The following MYO16 variants were observed in gnomAD, a reference collection of about 807,000 sequenced individuals.
MYO16 encodes the protein myosin XVI, also known as unconventional myosin-XVI.
A neutral mutation model predicts 205.3 loss-of-function variants in MYO16; 94 were observed. That is an observed-to-expected ratio of 0.46 (90% CI 0.39 to 0.54). The LOEUF is 0.54. Among genes scored for constraint, MYO16 ranks in the 20% least tolerant of loss-of-function variants. The pLI is 0.00. For missense variants in MYO16, 2,315 were observed against 2,387.5 expected, an observed-to-expected ratio of 0.97 and a Z score of 0.63; for synonymous variants, 988 against 954.0, an observed-to-expected ratio of 1.04 and a Z score of -0.66.
the MYO16 span, among the ~76,000 whole-genome samples, chr13:108,572,281 C>T: frequency 6.8e-3 from 1,029 of 152,218 alleles, 14 homozygotes; most frequent in South Asian, 0.043. Context: ...GCTTTACAAA[C>T]ACTGAAGTTT....
intron 23 of MYO16, among the ~76,000 whole-genome samples, chr13:109,026,869 T>C (rs1470744842): frequency 1.3e-5 from 2 of 152,200 alleles, no homozygotes; most frequent in Non-Finnish European, 2.9e-5. Context: ...ACAAAGTACT[T>C]CTGTGACATT....
chr13:108,777,049 C>T (rs572606069), intron 4 of MYO16, among the ~76,000 whole-genome samples: 43 of 152,206 alleles, frequency 2.8e-4, no homozygotes, highest in South Asian at 2.3e-3. Flanking sequence ...TGCAAAGTGC[C>T]ATGAGTCTCC....
At chr13:109,201,497 A>AAAAG (rs759848044) in intron 34 of MYO16, 4 of 128,216 alleles carry the variant, frequency 3.1e-5, no homozygotes, top group African/African-American at 1.1e-4. Context: ...TCTACAAAAA[A>AAAAG]AAAAAAAAAA....
intron 6 of MYO16, among the ~76,000 whole-genome samples, chr13:108,794,659 C>T (rs1371498691): frequency 6.6e-6 from 1 of 152,070 alleles, no homozygotes; most frequent in Admixed American, 6.6e-5. Context: ...TATTTGATGT[C>T]TAATCACCGA....
chr13:108,844,204 T>C (rs1877392474), intron 9 of MYO16, 139 bp from the exon 10 acceptor site: 1 of 572,802 alleles, frequency 1.7e-6, no homozygotes, highest in Non-Finnish European at 2.7e-6. Context: ...TTCTTACTAA[T>C]TTTTTTCCTG....
Position 109,141,886 on chromosome 13 carries a change from T to C in MYO16, c.5164+510T>C, listed in dbSNP as rs1877118487. Reference sequence around the variant, plus strand: ...TACCCTGCGCTTAATGCCACTCGGCTGTGGGCTGTTTGGGATGAACTGCTT... The same window carrying C: ...TACCCTGCGCTTAATGCCACTCGGCCGTGGGCTGTTTGGGATGAACTGCTT... On this transcript the variant is annotated intron_variant, in intron 32 of 34. Coordinates refer to ENST00000457511, the MANE Select transcript of MYO16 (RefSeq NM_001198950.3). The surrounding 1 kb of genome is among the most constrained non-coding windows in gnomAD (Gnocchi z 4.1). Among the ~76,000 whole-genome samples the C allele has an allele frequency of 6.6e-6, 1 of 152,164 alleles. No homozygotes were observed. Among genetic ancestry groups the C allele is most frequent in the Non-Finnish European group, 1.5e-5 (1 of 68,032 alleles).
intron 28 of MYO16, among the ~76,000 whole-genome samples, chr13:109,107,124 T>C (rs1465081032): frequency 6.6e-6 from 1 of 152,098 alleles, no homozygotes; most frequent in Non-Finnish European, 1.5e-5. Flanking sequence ...CATGCGTGTA[T>C]GTAAAAGAGA....
At chr13:109,187,087 GTTTTA>G (rs1879719265) in intron 34 of MYO16, among the ~76,000 whole-genome samples, 2 of 152,048 alleles carry the variant, frequency 1.3e-5, no homozygotes, top group Admixed American at 6.6e-5. Context: ...TCTTATTGTG[GTTTTA>G]TTTTATTTCC....
chr13:108,811,751 C>A (rs1887300646), intron 7 of MYO16, among the ~76,000 whole-genome samples: 1 of 152,096 alleles, frequency 6.6e-6, no homozygotes, highest in Admixed American at 6.5e-5. Flanking sequence ...TCAATCTGTG[C>A]CTCCTCACTG....
intron 32 of MYO16, among the ~76,000 whole-genome samples, chr13:109,153,699 C>T (rs1245817812): frequency 6.6e-6 from 1 of 152,082 alleles, no homozygotes; most frequent in African/African-American, 2.4e-5. Flanking sequence ...GTGGAGGTTG[C>T]AGTGAGCCGA....
chr13:108,769,916 T>C (rs544874350), intron 4 of MYO16, among the ~76,000 whole-genome samples: 2 of 152,322 alleles, frequency 1.3e-5, no homozygotes, highest in Non-Finnish European at 2.9e-5. Flanking sequence ...ATTCTAGTGA[T>C]GGAAACGCTT....
chr13:108,602,533 T>C (rs1180214916), intron 1 of MYO16, among the ~76,000 whole-genome samples: 1 of 152,100 alleles, frequency 6.6e-6, no homozygotes, highest in Non-Finnish European at 1.5e-5. Flanking sequence ...TCATAGAATA[T>C]GTCACTAATA....
At chr13:108,580,120 A>G in the MYO16 span, among the ~76,000 whole-genome samples, 3 of 152,260 alleles carry the variant, frequency 2.0e-5, no homozygotes, top group African/African-American at 4.8e-5. Context: ...AATAAAGTCA[A>G]TAAAAGAGTT....
chr13:109,105,886 T>C (rs1397733286), intron 28 of MYO16, among the ~76,000 whole-genome samples: 1 of 152,228 alleles, frequency 6.6e-6, no homozygotes, highest in African/African-American at 2.4e-5. Context: ...TCAAAATTGC[T>C]ACTTTTACAT....
intron 34 of MYO16, among the ~76,000 whole-genome samples, chr13:109,188,750 T>C (rs550896240): frequency 6.6e-6 from 1 of 152,216 alleles, no homozygotes; most frequent in South Asian, 2.1e-4. Context: ...AAACCACTGA[T>C]GTAAGTCCAA....
chr13:109,116,772 CTGCACCT>C, intron 28 of MYO16, among the ~76,000 whole-genome samples: 1 of 152,306 alleles, frequency 6.6e-6, no homozygotes, highest in Admixed American at 6.5e-5. Context: ...CAGCCTATGG[CTGCACCT>C]AGCCATGGGT....
intron 21 of MYO16, among the ~76,000 whole-genome samples, chr13:109,005,332 T>G (rs1470987639): frequency 6.6e-6 from 1 of 152,166 alleles, no homozygotes; most frequent in African/African-American, 2.4e-5. Context: ...AGAAACCATC[T>G]TTTACCATGA....
chr13:108,728,303 G>C (rs1292090089), intron 4 of MYO16, among the ~76,000 whole-genome samples: 1 of 152,130 alleles, frequency 6.6e-6, no homozygotes, highest in Non-Finnish European at 1.5e-5. Flanking sequence ...AAAGCAAACT[G>C]ATGCTCGAAT....
At chr13:109,008,584 G>A (rs1201877734) in intron 21 of MYO16, among the ~76,000 whole-genome samples, 3 of 109,512 alleles carry the variant, frequency 2.7e-5, no homozygotes, top group Admixed American at 8.7e-5. Context: ...TCTTGTGTAT[G>A]CACTACTGTA....
Sources: allele counts gnomAD v4.1 joint callset (sites outside exome capture counted in the v4.1 genomes callset), GRCh38; gene constraint gnomAD v4.1.1; non-coding constraint Gnocchi (gnomAD v3.1); transcripts MANE v1.5; gene names NCBI Gene and HGNC (gene_info 2026-07-23, HGNC 2026-07-21).